PPP1R14C: variants seen among roughly 807,000 people sequenced by gnomAD.
PPP1R14C encodes protein phosphatase 1 regulatory subunit 14C.
PPP1R14C carries 16 observed loss-of-function variants against 20.4 expected under a neutral mutation model. The observed-to-expected ratio is 0.78, with a 90% CI of 0.53 to 1.19. PPP1R14C has a LOEUF of 1.19. PPP1R14C is among the 50% of genes most tolerant of loss of function. The pLI is 0.00. For missense variants in PPP1R14C, 211 were observed against 220.1 expected (o/e 0.96, Z 0.26); for synonymous variants, 91 against 91.0 (o/e 1.00, Z 0.00).
chr6:150,244,118 C>G (rs1778465091), intron 3 of PPP1R14C, among the ~76,000 whole-genome samples: 1 of 151,318 alleles, frequency 6.6e-6, no homozygotes, highest in Non-Finnish European at 1.5e-5. Context: ...TGTTGTCTGC[C>G]TTAAATACGT....
At chr6:150,187,858 T>C (rs940232873) in intron 1 of PPP1R14C, among the ~76,000 whole-genome samples, 3 of 152,232 alleles carry the variant, frequency 2.0e-5, no homozygotes, top group African/African-American at 7.2e-5. Context: ...CTTGACTTAG[T>C]CATTGTTTTT....
chr6:150,173,843 C>G (rs1266143748), intron 1 of PPP1R14C, among the ~76,000 whole-genome samples: 1 of 152,076 alleles, frequency 6.6e-6, no homozygotes, highest in African/African-American at 2.4e-5. Flanking sequence ...AATCTCTCAT[C>G]TCAACTTCAG....
intron 3 of PPP1R14C, among the ~76,000 whole-genome samples, chr6:150,225,766 C>T (rs767288238): frequency 3.3e-5 from 5 of 152,110 alleles, no homozygotes; most frequent in Non-Finnish European, 5.9e-5. Context: ...AGTTAATGAA[C>T]GGAGAAGTCA....
intron 1 of PPP1R14C, among the ~76,000 whole-genome samples, chr6:150,167,378 A>G (rs1777435698): frequency 1.3e-5 from 2 of 152,076 alleles, no homozygotes; most frequent in Non-Finnish European, 2.9e-5. Context: ...GGGGGGGAAA[A>G]AAACAAAAAG....
chr6:150,236,613 C>CTGTGTGTGTG (rs142109127), intron 3 of PPP1R14C, among the ~76,000 whole-genome samples: 2,062 of 144,542 alleles, frequency 0.014, 53 homozygotes, highest in African/African-American at 0.05. Flanking sequence ...GTTGGTGCCA[C>CTGTGTGTGTG]TGTGTGTGTG....
intron 1 of PPP1R14C, among the ~76,000 whole-genome samples, chr6:150,158,402 C>T (rs1488206904): frequency 6.6e-6 from 1 of 152,122 alleles, no homozygotes; most frequent in Admixed American, 6.5e-5. Flanking sequence ...ATTTAATCAA[C>T]ACTCCAGAAT....
At chr6:150,157,327 T>G (rs1334950331) in intron 1 of PPP1R14C, among the ~76,000 whole-genome samples, 1 of 152,160 alleles carries the variant, frequency 6.6e-6, no homozygotes, top group Non-Finnish European at 1.5e-5. Context: ...AATCCATGCT[T>G]GTGAATGTCT....
At chr6:150,159,433 A>G (rs1777340704) in intron 1 of PPP1R14C, among the ~76,000 whole-genome samples, 1 of 151,938 alleles carries the variant, frequency 6.6e-6, no homozygotes, top group South Asian at 2.1e-4. Context: ...CCATGTTGCT[A>G]AATTCCAAGT....
At chr6:150,196,220 G>T in intron 1 of PPP1R14C, 1 of 634,752 alleles carries the variant, frequency 1.6e-6, no homozygotes, top group South Asian at 7.0e-5. Flanking sequence ...GGTCATTGAG[G>T]GCAACTGGGC....
At chr6:150,226,925 A>C (rs189491565) in intron 3 of PPP1R14C, among the ~76,000 whole-genome samples, 2 of 152,152 alleles carry the variant, frequency 1.3e-5, no homozygotes, top group Non-Finnish European at 2.9e-5. Flanking sequence ...CTGGTTTGTG[A>C]GTAGAAATCG....
chr6:150,229,880 C>T (rs866971442), intron 3 of PPP1R14C, among the ~76,000 whole-genome samples: 1 of 152,086 alleles, frequency 6.6e-6, no homozygotes, highest in Admixed American at 6.5e-5. Flanking sequence ...CCCTGCCCCC[C>T]AAAAAGAAGG....
chr6:150,174,679 T>C (rs1777541311), intron 1 of PPP1R14C, among the ~76,000 whole-genome samples: 1 of 151,184 alleles, frequency 6.6e-6, no homozygotes, highest in Admixed American at 6.6e-5. Context: ...TAATAAGTAG[T>C]GAAAGCTGGG....
chr6:150,236,439 C>T (rs764540596), intron 3 of PPP1R14C, among the ~76,000 whole-genome samples: 3 of 152,068 alleles, frequency 2.0e-5, no homozygotes, highest in Non-Finnish European at 4.4e-5. Flanking sequence ...AAAATAGTGC[C>T]CAGGACTGAG....
chr6:150,221,734 G>GTAA (rs1407647604), intron 3 of PPP1R14C, among the ~76,000 whole-genome samples: 3 of 152,158 alleles, frequency 2.0e-5, no homozygotes, highest in African/African-American at 7.2e-5. Flanking sequence ...TAAAATGGAG[G>GTAA]TAATAATAAC....
At chr6:150,228,486 A>G (rs1778255557) in intron 3 of PPP1R14C, among the ~76,000 whole-genome samples, 1 of 152,204 alleles carries the variant, frequency 6.6e-6, no homozygotes, top group African/African-American at 2.4e-5. Flanking sequence ...TTCTCTTAGC[A>G]GTGATGTGTG....
At chr6:150,151,555 T>C (rs1161218411) in intron 1 of PPP1R14C, among the ~76,000 whole-genome samples, 2 of 152,204 alleles carry the variant, frequency 1.3e-5, no homozygotes. Context: ...CTCTTTCTGC[T>C]ACTGCACCCT....
chr6:150,204,013 G>T (rs553063733), intron 1 of PPP1R14C, among the ~76,000 whole-genome samples: 2 of 152,178 alleles, frequency 1.3e-5, no homozygotes, highest in Non-Finnish European at 2.9e-5. Context: ...TGTAGCTTCC[G>T]CATGGTGTTC....
In PPP1R14C at chr6:150,248,927, GT is replaced by G. The variant is rs369389461; in HGVS notation, c.*120del. ...AGGTGTCCTTATGAACAACGTTTTT[GT>G]TTTTTTTTTTTTCTTTTTTGGTGTG... is the stretch of plus-strand genomic sequence containing the variant. On this transcript the variant is annotated 3_prime_UTR_variant, in exon 4 of 4. Coordinates refer to ENST00000361131, the MANE Select transcript of PPP1R14C (RefSeq NM_030949.3). The G allele has an allele frequency of 0.13, 58,893 of 438,792 alleles. 1,148 individuals are homozygous for G. Among genetic ancestry groups the G allele is most frequent in the East Asian group, 0.28 (6,617 of 23,752 alleles). 27.2% of individuals were successfully genotyped at this position (438,792 alleles called of 1,614,324 possible).
intron 1 of PPP1R14C, among the ~76,000 whole-genome samples, chr6:150,155,473 C>A (rs985174269): frequency 6.6e-6 from 1 of 152,118 alleles, no homozygotes; most frequent in African/African-American, 2.4e-5. Context: ...CTCCAAGAGT[C>A]TTAGTAACAT....
Sources: gnomAD v4.1 joint callset for allele counts (sites outside exome capture counted in the v4.1 genomes callset) on GRCh38, gnomAD v4.1.1 for gene constraint, MANE v1.5 for transcripts, NCBI Gene and HGNC (gene_info 2026-07-23, HGNC 2026-07-21) for gene names.